The following HTR2C variants were observed in gnomAD, a reference collection of about 807,000 sequenced individuals.
HTR2C encodes the protein 5-hydroxytryptamine (serotonin) receptor 2C, G protein-coupled.
HTR2C carries 5 observed loss-of-function variants against 21.0 expected under a neutral mutation model. The ratio of observed to expected loss-of-function variants is 0.24; its 90% confidence interval spans 0.12 to 0.50. The LOEUF is 0.50. HTR2C is among the 20% of genes least tolerant of loss of function. The pLI is 0.98. For synonymous variants in HTR2C, 150 were observed against 145.3 expected (o/e 1.03, Z -0.23); for missense variants, 271 against 371.2 (o/e 0.73, Z 2.22).
At chrX:114,699,227 T>G (rs1351419435) in intron 2 of HTR2C, among the ~76,000 whole-genome samples, 1 of 112,283 alleles carries the variant, frequency 8.9e-6, no homozygotes, top group East Asian at 2.8e-4. Flanking sequence ...TCTACCAAAC[T>G]TGAGACTGAA....
At chrX:114,588,739 T>A (rs1927509347) in intron 1 of HTR2C, among the ~76,000 whole-genome samples, 1 of 112,270 alleles carries the variant, frequency 8.9e-6, no homozygotes, top group Admixed American at 9.4e-5. Context: ...ATCTCAGTAA[T>A]CAAGACTCAC....
chrX:114,790,535 A>G (rs1266269536), intron 4 of HTR2C, among the ~76,000 whole-genome samples: 2 of 111,957 alleles, frequency 1.8e-5, no homozygotes. Flanking sequence ...CAGCAAAAAT[A>G]ATTTTCTACT....
chrX:114,793,374 C>A (rs2070254377), intron 4 of HTR2C, among the ~76,000 whole-genome samples: 1 of 111,508 alleles, frequency 9.0e-6, no homozygotes, highest in South Asian at 3.7e-4. Flanking sequence ...TGTTACTGAT[C>A]TAATCTCTAT....
intron 4 of HTR2C, among the ~76,000 whole-genome samples, chrX:114,740,848 G>A (rs2069637942): frequency 9.0e-6 from 1 of 111,394 alleles, no homozygotes. Flanking sequence ...AATAGTGATT[G>A]TATAACACCA....
rs910520644 is a variant in HTR2C, at chrX:114,637,511, T to A, written c.-80+23630T>A. The stretch of plus-strand genomic sequence containing the variant: ...GTATGTGTAAAATAAAGACCAAATT[T>A]GAAAGTAGATTATTTATTTTGAAAA... On this transcript the variant is annotated intron_variant, in intron 2 of 5. Coordinates refer to ENST00000276198, the MANE Select transcript of HTR2C (RefSeq NM_000868.4). 2.4e-4 allele frequency among the ~76,000 whole-genome samples: 27 copies of A among 111,875 alleles called. No individual in the cohort carries two copies. The Admixed American group carries it at 2.6e-3, about 11-fold the overall frequency.
chrX:114,740,735 A>G (rs782012124), intron 4 of HTR2C, among the ~76,000 whole-genome samples: 55 of 112,099 alleles, frequency 4.9e-4, no homozygotes, highest in Non-Finnish European at 8.5e-4. Context: ...GTACAAAAAA[A>G]TCTGACCCAA....
intron 1 of HTR2C, chrX:114,589,785 G>A (rs782094194): frequency 2.7e-5 from 8 of 294,162 alleles, no homozygotes; most frequent in Non-Finnish European, 3.8e-5. Flanking sequence ...CCAATTTTTC[G>A]GAAAAAAGCT....
At chrX:114,605,135 TA>T (rs1273259633) in intron 1 of HTR2C, among the ~76,000 whole-genome samples, 29 of 111,781 alleles carry the variant, frequency 2.6e-4, no homozygotes, top group Non-Finnish European at 4.9e-4. Context: ...GCCTAAACGC[TA>T]TCTGATTTGG....
At chrX:114,602,547 A>G (rs1479801579) in intron 1 of HTR2C, among the ~76,000 whole-genome samples, 58 of 75,516 alleles carry the variant, frequency 7.7e-4, no homozygotes, top group African/African-American at 2.7e-3. Flanking sequence ...ACGGAGGACC[A>G]TAAGGGATAT....
intron 5 of HTR2C, among the ~76,000 whole-genome samples, chrX:114,877,103 AT>A (rs1174835472): frequency 1.8e-5 from 2 of 110,910 alleles, no homozygotes; most frequent in South Asian, 3.7e-4. Context: ...GAGGTTTCTG[AT>A]TACTGTTTAA....
intron 1 of HTR2C, among the ~76,000 whole-genome samples, chrX:114,586,727 A>G (rs1556389785): frequency 9.0e-6 from 1 of 111,343 alleles, no homozygotes. Flanking sequence ...TCATCAGAAA[A>G]GAGGTGAGAA....
chrX:114,837,716 G>A (rs781847089), intron 4 of HTR2C, among the ~76,000 whole-genome samples: 6 of 109,276 alleles, frequency 5.5e-5, no homozygotes, highest in East Asian at 2.9e-4. Context: ...AAAAATCACC[G>A]ATAAACAAGA....
chrX:114,683,375 C>CT (rs11415683), intron 2 of HTR2C, among the ~76,000 whole-genome samples: 15 of 105,311 alleles, frequency 1.4e-4, no homozygotes, highest in African/African-American at 3.4e-4. Flanking sequence ...ACTTTTAAAT[C>CT]TTTTTTTTTT....
At chrX:114,754,672 AC>A (rs1556429297) in intron 4 of HTR2C, among the ~76,000 whole-genome samples, 1 of 110,476 alleles carries the variant, frequency 9.1e-6, no homozygotes. Context: ...AAACTATAAA[AC>A]TTTTAGAAAA....
At chrX:114,720,688 C>A in intron 2 of HTR2C, among the ~76,000 whole-genome samples, 1 of 38,970 alleles carries the variant, frequency 2.6e-5, no homozygotes. Context: ...CACCACAGTC[C>A]CCAGAGTGTG....
intron 4 of HTR2C, among the ~76,000 whole-genome samples, chrX:114,745,343 T>C (rs1472126024): frequency 2.7e-5 from 3 of 112,140 alleles, no homozygotes; most frequent in Non-Finnish European, 5.6e-5. Flanking sequence ...CTGTATACCG[T>C]TGGTGGGAAT....
At chrX:114,700,560 A>G (rs1556416501) in intron 2 of HTR2C, among the ~76,000 whole-genome samples, 2 of 112,406 alleles carry the variant, frequency 1.8e-5, no homozygotes, top group African/African-American at 6.5e-5. Flanking sequence ...AGACTTAAGA[A>G]TGAAAAAAGG....
At chrX:114,599,474 G>C (rs1443063891) in intron 1 of HTR2C, among the ~76,000 whole-genome samples, 7 of 111,659 alleles carry the variant, frequency 6.3e-5, no homozygotes, top group African/African-American at 1.9e-4. Flanking sequence ...TGAGTCACTA[G>C]CTACAGAATT....
intron 5 of HTR2C, among the ~76,000 whole-genome samples, chrX:114,895,763 G>A (rs782198551): frequency 8.1e-5 from 9 of 111,145 alleles, no homozygotes; most frequent in East Asian, 5.7e-4. Context: ...TGAGGCGGGC[G>A]GATCACATGA....
Sources: allele counts gnomAD v4.1 joint callset (sites outside exome capture counted in the v4.1 genomes callset), GRCh38; gene constraint gnomAD v4.1.1; transcripts MANE v1.5; gene names NCBI Gene and HGNC (gene_info 2026-07-23, HGNC 2026-07-21).